The following RNF20 variants were observed in gnomAD, a reference collection of about 807,000 sequenced individuals.
The protein encoded by RNF20 is ring finger protein 20.
Under a neutral mutation model 126.2 loss-of-function variants are expected in RNF20, and 84 were observed. The ratio of observed to expected loss-of-function variants is 0.67; its 90% CI spans 0.56 to 0.80. RNF20 has a LOEUF of 0.80. Among genes scored for constraint, RNF20 ranks in the 30% least tolerant of loss-of-function variants. The probability of loss-of-function intolerance (pLI) is 0.00; values close to 1 mark genes in which losing one functional copy is unlikely to be tolerated. For missense variants in RNF20, 869 were observed against 1,188.2 expected, an observed-to-expected ratio of 0.73 and a Z score of 3.95; for synonymous variants, 400 against 414.3, an observed-to-expected ratio of 0.97 and a Z score of 0.42.
At chr9:101,542,431 A>G (rs1015002705) in intron 5 of RNF20, among the ~76,000 whole-genome samples, 1 of 152,188 alleles carries the variant, frequency 6.6e-6, no homozygotes, top group Non-Finnish European at 1.5e-5. Flanking sequence ...ATCTACTTGC[A>G]TGTCCCCAGC....
At position 101,557,564 on chromosome 9, in the gene RNF20, C is replaced by G; in HGVS notation, c.2350C>G (p.Leu784Val). The part of the protein sequence containing the change: ...HKLLKEEKEE[L>V]ADQVLTLKTQ... ...GTTGCTTAAAGAAGAGAAGGAGGAG[C>G]TGGCAGACCAGGTGTTGACTCTGAA... is the stretch of plus-strand genomic sequence containing the variant. Residue 784 changes from leucine to valine, a missense_variant, in exon 16 of 20, where the codon CTG (leucine) becomes GTG (valine). By Grantham distance (32) the Leu-to-Val change is conservative (BLOSUM62 1). Coordinates refer to ENST00000389120, the MANE Select transcript of RNF20 (RefSeq NM_019592.7). 1.9e-6 allele frequency: 3 copies of G among 1,613,900 alleles called. No individual in the cohort carries two copies. The highest frequency in any genetic ancestry group is 2.5e-6 in the Non-Finnish European group (3 of 1,179,834).
chr9:101,536,424 G>C (rs62575842), intron 2 of RNF20, among the ~76,000 whole-genome samples: 10,294 of 151,986 alleles, frequency 0.068, 464 homozygotes, highest in Middle Eastern at 0.13. Context: ...GTTTATTTTA[G>C]AGAGGCTGAT....
rs945507991 is a variant in RNF20 at position 101,540,561 on chromosome 9, A to G, written c.369A>G (p.Glu123=). The change falls in exon 4 of 20, where the codon GAA becomes GAG. Residue 123 remains glutamate (E), a synonymous_variant. Coordinates refer to ENST00000389120, the MANE Select transcript of RNF20 (RefSeq NM_019592.7). ...AGGGCTTGGGAGACCTACTCACAGA[A>G]CGAAAAGCCCTTGTTGTGCCTGAAC... ...LEQGLGDLLT[E]RKALVVPEPE... is the part of the protein sequence containing the mutation. 11 of 1,614,026 alleles carry G rather than the reference A, an allele frequency of 6.8e-6. No individual in the cohort carries two copies. In the African/African-American group the frequency reaches 1.2e-4, roughly 18 times the overall value.
Position 101,540,923 on chromosome 9 carries a change from T to C in RNF20, c.576T>C (p.Tyr192=), listed in dbSNP as rs61739680. The change falls in exon 5 of 20, where the codon TAT becomes TAC. Residue 192 remains tyrosine, a synonymous_variant. Transcript: ENST00000389120. ...CCGTGTCCCAGATTGTGACTGTTTA[T>C]GATAAATTGCAAGAAAAAGTGGAGC... ...RRAVSQIVTV[Y]DKLQEKVELL... is the part of the protein sequence containing the mutation. 4.0e-4 allele frequency: 639 copies of C among 1,614,026 alleles called. 1 individual carries two copies. The African/African-American group carries it at 7.8e-3, about 20-fold the overall frequency.
At chr9:101,556,827 G>T (rs1827543618) in intron 15 of RNF20, among the ~76,000 whole-genome samples, 3 of 152,016 alleles carry the variant, frequency 2.0e-5, no homozygotes, top group Admixed American at 2.0e-4. Context: ...CCAAAATAGG[G>T]AAAAAAACTC....
At chr9:101,540,465 C>T in intron 3 of RNF20, 25 bp from the exon 4 acceptor site, 1 of 1,611,794 alleles carries the variant, frequency 6.2e-7, no homozygotes, top group East Asian at 2.2e-5. Context: ...TTTGTTTCTT[C>T]ATAATTGTAC....
intron 5 of RNF20, among the ~76,000 whole-genome samples, chr9:101,543,499 T>A (rs1827293380): frequency 6.7e-6 from 1 of 149,230 alleles, no homozygotes; most frequent in Non-Finnish European, 1.5e-5. Context: ...GGTGGCACTG[T>A]CTAACCCTGC....
At chr9:101,547,586 T>C in intron 9 of RNF20, 68 bp downstream of exon 9, 1 of 1,561,970 alleles carries the variant, frequency 6.4e-7, no homozygotes, top group Non-Finnish European at 8.7e-7. Flanking sequence ...ATATACATAG[T>C]TGTGAATCTG....
chr9:101,561,552 C>A lies in RNF20; in HGVS notation c.2649+322C>A. Reference sequence around the variant, plus strand: ...TATTTTTGTCATGCTAGCTGTTTCTCATGATGTCTTTCTGTCTTTATCCGT... The same window carrying A: ...TATTTTTGTCATGCTAGCTGTTTCTAATGATGTCTTTCTGTCTTTATCCGT... On this transcript the variant is annotated intron_variant, in intron 18 of 19. Transcript: ENST00000389120. 3 of 402,378 alleles carry A rather than the reference C, an allele frequency of 7.5e-6. No homozygotes were observed. The South Asian group carries it at 9.2e-5, about 12-fold the overall frequency. The allele number at this position is 402,378 out of a possible 1,614,324, so 24.9% of individuals were successfully genotyped here. A position where few individuals can be genotyped will look rare whatever the true frequency, so the allele number is the denominator to read the frequency against.
intron 16 of RNF20, among the ~76,000 whole-genome samples, chr9:101,559,339 C>A (rs991691727): frequency 6.6e-6 from 1 of 152,098 alleles, no homozygotes; most frequent in Non-Finnish European, 1.5e-5. Flanking sequence ...GTGATGCCTC[C>A]AGATTTGTTC....
intron 6 of RNF20, among the ~76,000 whole-genome samples, chr9:101,545,190 A>G (rs1436854007): frequency 6.6e-6 from 1 of 152,248 alleles, no homozygotes; most frequent in African/African-American, 2.4e-5. Context: ...TTGGGTGCAA[A>G]TAATGCCATG....
At chr9:101,560,386 A>C (rs1588227601) in intron 16 of RNF20, among the ~76,000 whole-genome samples, 2 of 152,162 alleles carry the variant, frequency 1.3e-5, no homozygotes, top group East Asian at 3.9e-4. Context: ...TACTTTTTAC[A>C]CTTTAATATT....
chr9:101,556,597 A>G (rs752056588), intron 15 of RNF20, among the ~76,000 whole-genome samples: 1 of 152,216 alleles, frequency 6.6e-6, no homozygotes, highest in Non-Finnish European at 1.5e-5. Flanking sequence ...GAAGAAAACC[A>G]TTAAATTCCT....
intron 1 of RNF20, among the ~76,000 whole-genome samples, chr9:101,534,463 A>G (rs1372761459): frequency 1.3e-5 from 2 of 152,116 alleles, no homozygotes; most frequent in African/African-American, 4.8e-5. Flanking sequence ...CAGTGGAGAG[A>G]GCGTTTGGAA....
chr9:101,557,581 G>T lies in RNF20; in HGVS notation c.2367G>T (p.Leu789Phe). 1.9e-6 allele frequency: 3 copies of T among 1,613,006 alleles called. No individual in the cohort carries two copies. In the South Asian group the frequency reaches 3.3e-5, roughly 18 times the overall value. The change falls in exon 16 of 20, where the codon TTG becomes TTT. Residue 789 changes from leucine (L) to phenylalanine (F), a missense_variant. Leu to Phe is a conservative substitution (Grantham distance 22). This residue lies in a region of RNF20 where 150 missense variants were observed against 173.7 expected (regional missense o/e 0.86). Coordinates refer to ENST00000389120, the MANE Select transcript of RNF20 (RefSeq NM_019592.7). Reference sequence around the variant, plus strand: ...AGGAGGAGCTGGCAGACCAGGTGTTGACTCTGAAGACTCAGGTAATTAGGA... The same window carrying T: ...AGGAGGAGCTGGCAGACCAGGTGTTTACTCTGAAGACTCAGGTAATTAGGA... ...EEKEELADQVLTLKTQVDAQL... is the reference protein window; with the variant it reads ...EEKEELADQVFTLKTQVDAQL...
At position 101,537,539 on chromosome 9, in the gene RNF20, G is replaced by A. The variant is rs568685083; in HGVS notation, c.129+1987G>A. On this transcript the variant is annotated intron_variant, in intron 2 of 19. Transcript: ENST00000389120. The stretch of plus-strand genomic sequence containing the variant: ...CTGTATATTTGGGAATCGTCATTTT[G>A]TAAGTTGTGTTTACATCTATGAGAC... Among the ~76,000 whole-genome samples, 111 of 152,286 alleles carry A rather than the reference G, an allele frequency of 7.3e-4. 1 individual carries two copies. Among genetic ancestry groups the A allele is most frequent in the African/African-American group, 2.3e-3 (94 of 41,558 alleles).
rs938362416 is a variant in RNF20 at position 101,544,661 on chromosome 9, C to T, written c.629-106C>T. The T allele has an allele frequency of 2.3e-4, 159 of 700,732 alleles. 3 individuals carry two copies. Among genetic ancestry groups the T allele is most frequent in the South Asian group, 1.3e-3 (78 of 59,498 alleles). The allele number at this position is 700,732 out of a possible 1,614,324, so 43.4% of individuals were successfully genotyped here. On this transcript the variant is annotated intron_variant, in intron 5 of 19. Transcript: ENST00000389120. ...GGCAGAGGTTGCAGTGAGCCGAGAT[C>T]GCGCCACTGTACTCCAGCCTGGGCG...
chr9:101,539,400 G>T (rs1827226997), intron 2 of RNF20, among the ~76,000 whole-genome samples: 1 of 152,166 alleles, frequency 6.6e-6, no homozygotes. Context: ...AGGATTAAGG[G>T]CAGAGAACCA....
At position 101,552,497 on chromosome 9, in the gene RNF20, G is replaced by T. The variant is rs1219752493; in HGVS notation, c.1645G>T (p.Ala549Ser). 1 of 1,614,064 alleles carries T rather than the reference G, an allele frequency of 6.2e-7. No individual in the cohort carries two copies. The highest frequency in any genetic ancestry group is 1.1e-5 in the South Asian group (1 of 91,084). The change falls in exon 13 of 20, where the codon GCT becomes TCT. Residue 549 changes from alanine to serine, a missense_variant. By Grantham distance (99) the Ala-to-Ser change is moderately conservative (BLOSUM62 1). This residue lies in a region of RNF20 where 231 missense variants were observed against 263.6 expected (regional missense o/e 0.88). Transcript: ENST00000389120. ...DSEDLSSQSS[A>S]SKASQEDANE... Reference sequence around the variant, plus strand: ...TGAGGACTTATCCTCCCAGTCCTCAGCTTCAAAGGCATCTCAGGAGGATGC... The same window carrying T: ...TGAGGACTTATCCTCCCAGTCCTCATCTTCAAAGGCATCTCAGGAGGATGC...
Sources: gnomAD v4.1 joint callset for allele counts (sites outside exome capture counted in the v4.1 genomes callset) on GRCh38, gnomAD v4.1.1 for gene constraint, gnomAD v4.1.1 regional missense constraint, MANE v1.5 for transcripts, NCBI Gene and HGNC (gene_info 2026-07-23, HGNC 2026-07-21) for gene names.